The following MANBAL variants were observed in gnomAD, a reference collection of about 807,000 sequenced individuals.
The protein encoded by MANBAL is protein MANBAL.
MANBAL carries 1 observed loss-of-function variant against 6.4 expected under a neutral mutation model. The observed-to-expected ratio is 0.16, with a 90% CI of 0.06 to 0.74. MANBAL has a LOEUF of 0.74. Among genes scored for constraint, MANBAL ranks in the 30% least tolerant of loss-of-function variants. The probability of loss-of-function intolerance (pLI) is 0.78; values close to 1 mark genes in which losing one functional copy is unlikely to be tolerated. For synonymous variants in MANBAL, 47 were observed against 45.8 expected (o/e 1.03, Z -0.10); for missense variants, 100 against 107.8 (o/e 0.93, Z 0.32).
rs191505665 is a variant in MANBAL at position 37,296,230 on chromosome 20, G to A, written c.-56-4978G>A. Among the ~76,000 whole-genome samples, 312 of 152,324 alleles carry A rather than the reference G, an allele frequency of 2.0e-3. 2 individuals carry two copies. The highest frequency in any genetic ancestry group is 3.2e-3 in the Non-Finnish European group (219 of 68,024). On this transcript the variant is annotated intron_variant, in intron 1 of 2. Transcript: ENST00000373606. The stretch of plus-strand genomic sequence containing the variant: ...CAGAACATTTCCATCACTGCAGAAA[G>A]CTTTATTGGACAGTATGACATTATA...
intron 1 of MANBAL, among the ~76,000 whole-genome samples, chr20:37,292,027 AT>A (rs1231488804): frequency 6.6e-6 from 1 of 152,246 alleles, no homozygotes; most frequent in African/African-American, 2.4e-5. Context: ...TACTATCGAT[AT>A]GAGTTATCAT....
intron 2 of MANBAL, among the ~76,000 whole-genome samples, chr20:37,311,864 C>T (rs1485777622): frequency 2.0e-5 from 3 of 152,134 alleles, no homozygotes; most frequent in South Asian, 4.1e-4. Context: ...GGTAGAGGCA[C>T]GGGCAGGAGA....
At chr20:37,310,590 A>G (rs1214842558) in intron 2 of MANBAL, among the ~76,000 whole-genome samples, 1 of 152,240 alleles carries the variant, frequency 6.6e-6, no homozygotes, top group African/African-American at 2.4e-5. Context: ...GAAATCATAA[A>G]ATTCAATGCA....
At chr20:37,312,414 C>T (rs1482688175) in intron 2 of MANBAL, among the ~76,000 whole-genome samples, 1 of 152,124 alleles carries the variant, frequency 6.6e-6, no homozygotes, top group East Asian at 1.9e-4. Context: ...CTGAGGGCCC[C>T]AGGAAACCTG....
At chr20:37,299,974 AC>A (rs1172285828) in intron 1 of MANBAL, among the ~76,000 whole-genome samples, 1 of 152,108 alleles carries the variant, frequency 6.6e-6, no homozygotes, top group Non-Finnish European at 1.5e-5. Context: ...TGGACCTTGC[AC>A]CACTGGCCAC....
At chr20:37,294,316 G>A (rs1357184307) in intron 1 of MANBAL, among the ~76,000 whole-genome samples, 1 of 152,178 alleles carries the variant, frequency 6.6e-6, no homozygotes, top group Non-Finnish European at 1.5e-5. Context: ...CACCTCCACA[G>A]CTACCACCCT....
At chr20:37,315,325 C>T (rs1236933343) in intron 2 of MANBAL, among the ~76,000 whole-genome samples, 1 of 152,218 alleles carries the variant, frequency 6.6e-6, no homozygotes, top group Non-Finnish European at 1.5e-5. Flanking sequence ...TCTGGGCTAG[C>T]CCGGCCTCTC....
At chr20:37,299,720 G>T (rs1234434709) in intron 1 of MANBAL, among the ~76,000 whole-genome samples, 3 of 152,230 alleles carry the variant, frequency 2.0e-5, no homozygotes, top group Non-Finnish European at 4.4e-5. Context: ...GGGAAGAGGA[G>T]GGTGACAGGA....
At chr20:37,314,033 C>T (rs2069448130) in intron 2 of MANBAL, among the ~76,000 whole-genome samples, 1 of 152,180 alleles carries the variant, frequency 6.6e-6, no homozygotes, top group Non-Finnish European at 1.5e-5. Context: ...GTGCAGTGGT[C>T]AGACCTGCAC....
chr20:37,306,629 T>A (rs1381732356), intron 2 of MANBAL, among the ~76,000 whole-genome samples: 1 of 152,244 alleles, frequency 6.6e-6, no homozygotes, highest in African/African-American at 2.4e-5. Context: ...TCTTGTAGGC[T>A]GGATTCTAAA....
chr20:37,302,467 T>G (rs1167449340), intron 2 of MANBAL: 9 of 1,023,758 alleles, frequency 8.8e-6, no homozygotes, highest in Non-Finnish European at 1.1e-5. Context: ...ATTATAAAAA[T>G]CCGGTCAGTC....
At chr20:37,314,856 C>T (rs1465235239) in intron 2 of MANBAL, among the ~76,000 whole-genome samples, 1 of 152,190 alleles carries the variant, frequency 6.6e-6, no homozygotes, top group Non-Finnish European at 1.5e-5. Context: ...ATGGGCCCTC[C>T]TCTTCTGTAG....
chr20:37,297,552 T>G (rs1310387015), intron 1 of MANBAL: 1 of 152,254 alleles, frequency 6.6e-6, no homozygotes, highest in Non-Finnish European at 1.5e-5. Flanking sequence ...CGGCTCTGTT[T>G]ACTTACGAAG....
intron 2 of MANBAL, 61 bp downstream of exon 2, chr20:37,301,474 CAGT>C: frequency 6.5e-7 from 1 of 1,544,408 alleles, no homozygotes; most frequent in Non-Finnish European, 8.8e-7. Context: ...TGAGTACTAA[CAGT>C]AGGTGCCACC....
In MANBAL at chr20:37,301,321, A is replaced by C. The variant is rs772600726; in HGVS notation, c.58A>C (p.Asn20His). The C allele has an allele frequency of 6.2e-7, 1 of 1,612,770 alleles. No individual in the cohort carries two copies. Among genetic ancestry groups the C allele is most frequent in the Admixed American group, 1.7e-5 (1 of 59,978 alleles). Residue 20 changes from asparagine to histidine, a missense_variant, in exon 2 of 3, where the codon AAC (asparagine) becomes CAC (histidine). Coordinates refer to ENST00000373606, the MANE Select transcript of MANBAL (RefSeq NM_001003897.2). ...GGTGCCCGAGCCCACTTTCCTGGAG[A>C]ACCTGCTACGGTACGGACTCTTCCT... ...PEVPEPTFLENLLRYGLFLGA... is the reference protein window; with the variant it reads ...PEVPEPTFLEHLLRYGLFLGA...
chr20:37,308,293 G>T (rs2069303349), intron 2 of MANBAL, among the ~76,000 whole-genome samples: 1 of 152,154 alleles, frequency 6.6e-6, no homozygotes, highest in Admixed American at 6.5e-5. Context: ...CAAAGCTGGG[G>T]TCTCCCTTTC....
intron 2 of MANBAL, among the ~76,000 whole-genome samples, chr20:37,313,171 G>A (rs1243972625): frequency 6.6e-6 from 1 of 151,898 alleles, no homozygotes; most frequent in African/African-American, 2.4e-5. Context: ...GAGGTCAGGA[G>A]ATCGAGACCA....
At chr20:37,301,466 A>G in intron 2 of MANBAL, 53 bp downstream of exon 2, 2 of 1,584,962 alleles carry the variant, frequency 1.3e-6, no homozygotes, top group African/African-American at 1.4e-5. Context: ...CTGGGTTCTG[A>G]GTACTAACAG....
At chr20:37,301,688 G>A (rs2069141040) in intron 2 of MANBAL, among the ~76,000 whole-genome samples, 1 of 152,224 alleles carries the variant, frequency 6.6e-6, no homozygotes. Context: ...TCCTTGGGAG[G>A]AAGGCAGATA....
Sources: gnomAD v4.1 joint callset for allele counts (sites outside exome capture counted in the v4.1 genomes callset) on GRCh38, gnomAD v4.1.1 for gene constraint, MANE v1.5 for transcripts, NCBI Gene and HGNC (gene_info 2026-07-23, HGNC 2026-07-21) for gene names.